ARFGEF1: variants seen among roughly 807,000 people sequenced by gnomAD.
The protein encoded by ARFGEF1 is ARF guanine nucleotide exchange factor 1.
A neutral mutation model predicts 231.0 loss-of-function variants in ARFGEF1; 42 were observed. That is an observed-to-expected ratio of 0.18 (90% confidence interval 0.14 to 0.24). ARFGEF1 has a LOEUF of 0.24. Among genes scored for constraint, ARFGEF1 ranks in the 10% least tolerant of loss-of-function variants. The pLI, the probability that ARFGEF1 is intolerant of heterozygous loss-of-function variation, is 1.00. For missense variants in ARFGEF1, 1,345 were observed against 2,192.0 expected, an observed-to-expected ratio of 0.61 and a Z score of 7.72; for synonymous variants, 710 against 732.3, an observed-to-expected ratio of 0.97 and a Z score of 0.49.
downstream of ARFGEF1, chr8:67,195,659 A>T: frequency 7.1e-7 from 1 of 1,409,578 alleles, no homozygotes; most frequent in Non-Finnish European, 9.9e-7. Context: ...TGTACCTTTA[A>T]TATGTCCTAC....
At chr8:67,335,052 C>T (rs927154092) in intron 1 of ARFGEF1, among the ~76,000 whole-genome samples, 12 of 149,866 alleles carry the variant, frequency 8.0e-5, no homozygotes, top group Non-Finnish European at 1.6e-4. Flanking sequence ...AGTTGTTTTT[C>T]AAAAAGTTAA....
At chr8:67,257,361 G>T (rs192681621) in intron 17 of ARFGEF1, among the ~76,000 whole-genome samples, 3 of 152,120 alleles carry the variant, frequency 2.0e-5, no homozygotes, top group Non-Finnish European at 2.9e-5. Flanking sequence ...GATTACAGGC[G>T]TTAGGTACCA....
chr8:67,244,570 G>C (rs1397077079), intron 19 of ARFGEF1, among the ~76,000 whole-genome samples: 1 of 149,278 alleles, frequency 6.7e-6, no homozygotes, highest in Non-Finnish European at 1.5e-5. Flanking sequence ...AAAGTGTTGG[G>C]ATTACAGGCA....
At chr8:67,193,984 A>G (rs971880637), downstream of ARFGEF1, among the ~76,000 whole-genome samples, 1 of 152,262 alleles carries the variant, frequency 6.6e-6, no homozygotes, top group African/African-American at 2.4e-5. Flanking sequence ...GTATATTTGC[A>G]GTACTACAAA....
chr8:67,253,410 T>C (rs765182987), intron 18 of ARFGEF1, 41 bp downstream of exon 18: 1 of 1,401,460 alleles, frequency 7.1e-7, no homozygotes, highest in Non-Finnish European at 9.7e-7. Flanking sequence ...CCCATATTTT[T>C]CCCCTTGAAC....
chr8:67,275,048 T>C (rs1465349906), intron 9 of ARFGEF1, among the ~76,000 whole-genome samples: 1 of 152,090 alleles, frequency 6.6e-6, no homozygotes, highest in Non-Finnish European at 1.5e-5. Context: ...CACATATGTA[T>C]GAAGTTTTCA....
In ARFGEF1 at chr8:67,276,170, G is replaced by C. The variant is rs1478993805; in HGVS notation, c.1204-61C>G. ...TATTTGCCAGTGTAAAATCGCTTCA[G>C]CCTTCTACTGTATTTCATTCAATTC... On this transcript the variant is annotated intron_variant, in intron 8 of 38. Coordinates refer to ENST00000262215, the MANE Select transcript of ARFGEF1 (RefSeq NM_006421.5). The C allele has an allele frequency of 3.2e-6, 5 of 1,562,208 alleles. No individual in the cohort carries two copies. In the African/African-American group the frequency reaches 5.4e-5, roughly 17 times the overall value.
intron 1 of ARFGEF1, among the ~76,000 whole-genome samples, chr8:67,304,201 C>T (rs939417635): frequency 2.6e-5 from 4 of 152,172 alleles, no homozygotes; most frequent in Non-Finnish European, 5.9e-5. Context: ...CTTTAAAAAG[C>T]GACTTTGACA....
chr8:67,251,178 C>T, intron 19 of ARFGEF1, 121 bp downstream of exon 19: 1 of 917,976 alleles, frequency 1.1e-6, no homozygotes, highest in Non-Finnish European at 1.5e-6. Flanking sequence ...ATATGAATTT[C>T]ACCTCAATAT....
intron 5 of ARFGEF1, among the ~76,000 whole-genome samples, chr8:67,189,405 C>T (rs1218953198): frequency 2.0e-5 from 3 of 152,150 alleles, no homozygotes; most frequent in Non-Finnish European, 4.4e-5. Flanking sequence ...GTGGTACATC[C>T]AGACAATGCA....
chr8:67,174,207 C>T (rs1477237353), downstream of ARFGEF1: 1 of 152,026 alleles, frequency 6.6e-6, no homozygotes, highest in Non-Finnish European at 1.5e-5. Context: ...AGTTTGGAAG[C>T]AGTGAAGCCA....
Position 67,217,936 on chromosome 8 carries a change from G to T in ARFGEF1, c.4475-16C>A. On this transcript the variant is annotated splice_polypyrimidine_tract_variant and intron_variant, in intron 31 of 38. Coordinates refer to ENST00000262215, the MANE Select transcript of ARFGEF1 (RefSeq NM_006421.5). Reference sequence around the variant, plus strand: ...TGCTCATTGTCTAGGAAAGAAAAGAGCAATTCATTTATATATTACCAGGGT... The same window carrying T: ...TGCTCATTGTCTAGGAAAGAAAAGATCAATTCATTTATATATTACCAGGGT... 1 of 1,612,950 alleles carries T rather than the reference G, an allele frequency of 6.2e-7. No individual in the cohort carries two copies. Among genetic ancestry groups the T allele is most frequent in the African/African-American group, 1.3e-5 (1 of 74,910 alleles).
rs1024614432 is a variant in ARFGEF1 at position 67,343,671 on chromosome 8, G to A, written c.-384C>T. 8.4e-6 allele frequency: 8 copies of A among 950,218 alleles called. No individual in the cohort carries two copies. The highest frequency in any genetic ancestry group is 1.8e-5 in the African/African-American group (1 of 56,648). 58.9% of individuals were successfully genotyped at this position (950,218 alleles called of 1,614,324 possible). ...GACGAGGTGGCGGCGGCTCTCAGAG[G>A]CACCGCGAGAGAAGGGCTACCCTGG... On this transcript the variant is annotated 5_prime_UTR_variant, in exon 1 of 39. Coordinates refer to ENST00000262215, the MANE Select transcript of ARFGEF1 (RefSeq NM_006421.5).
At chr8:67,291,826 C>T (rs772487424) in intron 6 of ARFGEF1, 21 bp downstream of exon 6, 14 of 1,609,568 alleles carry the variant, frequency 8.7e-6, no homozygotes, top group South Asian at 5.5e-5. Context: ...ACACCCCAAA[C>T]CCCCTTTTCA....
In ARFGEF1 at chr8:67,217,693, G is replaced by A; in HGVS notation, c.4613+89C>T. Reference sequence around the variant, plus strand: ...AAAGGATTTCTGTTATGAGAAATCAGTAGTCACTATCAAACTTTTAATCAC... The same window carrying A: ...AAAGGATTTCTGTTATGAGAAATCAATAGTCACTATCAAACTTTTAATCAC... On this transcript the variant is annotated intron_variant, in intron 32 of 38. Transcript: ENST00000262215. 3.7e-6 allele frequency: 5 copies of A among 1,350,754 alleles called. No homozygotes were observed. In the South Asian group the frequency reaches 6.8e-5, roughly 18 times the overall value. 83.7% of individuals were successfully genotyped at this position (1,350,754 alleles called of 1,614,324 possible).
intron 19 of ARFGEF1, among the ~76,000 whole-genome samples, chr8:67,246,645 A>G (rs1175926770): frequency 6.7e-6 from 1 of 150,366 alleles, no homozygotes; most frequent in East Asian, 1.9e-4. Flanking sequence ...TAGTGTCTAC[A>G]TCAAAAAAGA....
chr8:67,179,100 T>G (rs1411778748), intron 5 of ARFGEF1, among the ~76,000 whole-genome samples: 2 of 152,190 alleles, frequency 1.3e-5, no homozygotes, highest in African/African-American at 4.8e-5. Context: ...GCCCAGATTA[T>G]CTGGTAAGAA....
In ARFGEF1 at chr8:67,299,334, A is replaced by G. The variant is rs751508572; in HGVS notation, c.334T>C (p.Leu112=). Residue 112 remains leucine (L), a synonymous_variant, in exon 4 of 39, where the codon TTG becomes CTG. Transcript: ENST00000262215. ...CLQKLIAYGH[L]TGNAPDSTTP... Reference sequence around the variant, plus strand: ...GTACTATCTGGAGCATTGCCAGTCAAGTGCCCATAAGCAATAAGTTTCTAA... The same window carrying G: ...GTACTATCTGGAGCATTGCCAGTCAGGTGCCCATAAGCAATAAGTTTCTAA... The G allele has an allele frequency of 5.0e-6, 8 of 1,605,614 alleles. No individual in the cohort carries two copies. The highest frequency in any genetic ancestry group is 6.8e-6 in the Non-Finnish European group (8 of 1,178,006).
Position 67,258,238 on chromosome 8 carries a change from A to T in ARFGEF1, c.2288T>A (p.Met763Lys). 6.2e-7 allele frequency: 1 copy of T among 1,610,734 alleles called. No homozygotes were observed. The highest frequency in any genetic ancestry group is 8.5e-7 in the Non-Finnish European group (1 of 1,177,208). The change falls in exon 16 of 39, where the codon ATG (methionine) becomes AAG (lysine). Residue 763 changes from methionine to lysine, a missense_variant. By Grantham distance (95) the Met-to-Lys change is moderately conservative (BLOSUM62 -1). This residue lies in a region of ARFGEF1 where 105 missense variants were observed against 159.3 expected (regional missense o/e 0.66). Transcript: ENST00000262215. Reference sequence around the variant, plus strand: ...GTCATGTTGGTCCACATATGCATACATGACTTCTTTGTTAAATTTATCATT... The same window carrying T: ...GTCATGTTGGTCCACATATGCATACTTGACTTCTTTGTTAAATTTATCATT... ...GDNDKFNKEV[M>K]YAYVDQHDFS...
Sources: gnomAD v4.1 joint callset for allele counts (sites outside exome capture counted in the v4.1 genomes callset) on GRCh38, gnomAD v4.1.1 for gene constraint, gnomAD v4.1.1 regional missense constraint, MANE v1.5 for transcripts, NCBI Gene and HGNC (gene_info 2026-07-23, HGNC 2026-07-21) for gene names.